Variants in DNMBP observed in about 807,000 individuals in gnomAD.
DNMBP encodes the protein dynamin-binding protein.
DNMBP carries 87 observed loss-of-function variants against 150.0 expected under a neutral mutation model. The observed-to-expected ratio is 0.58, with a 90% CI of 0.49 to 0.69. The LOEUF is 0.69. Ranked by LOEUF, DNMBP falls within the 30% of genes least tolerant of loss-of-function variation. The probability of loss-of-function intolerance (pLI) is 0.00; values close to 1 mark genes in which losing one functional copy is unlikely to be tolerated. For missense variants in DNMBP, 1,774 were observed against 1,949.0 expected (o/e 0.91, Z 1.69); for synonymous variants, 711 against 750.4 (o/e 0.95, Z 0.86).
intron 6 of DNMBP, among the ~76,000 whole-genome samples, chr10:99,905,634 CCATGATCACACCA>C (rs2039816523): frequency 6.6e-6 from 1 of 152,078 alleles, no homozygotes; most frequent in Non-Finnish European, 1.5e-5. Flanking sequence ...CTGAGGTGAG[CCATGATCACACCA>C]CTGCATTCTA....
Position 99,886,337 on chromosome 10 carries a change from A to G in DNMBP, c.3581T>C (p.Val1194Ala), listed in dbSNP as rs765112424. 23 of 1,614,084 alleles carry G rather than the reference A, an allele frequency of 1.4e-5. No homozygotes were observed. Among genetic ancestry groups the G allele is most frequent in the Non-Finnish European group, 1.7e-5 (20 of 1,179,908 alleles). ...CTTTAATTGCTCCAGAGCCTGGTGC[A>G]CAAAGTCACAGTGGGCTTCAGCATA... ...HGYAEAHCDFVHQALEQLKPL... is the reference protein window; with the variant it reads ...HGYAEAHCDFAHQALEQLKPL... The change falls in exon 13 of 17, where the codon GTG (valine) becomes GCG (alanine). Residue 1194 changes from valine to alanine, a missense_variant. Coordinates refer to ENST00000324109, the MANE Select transcript of DNMBP (RefSeq NM_015221.4).
At chr10:100,007,314 C>T (rs1437485701) in intron 1 of DNMBP, among the ~76,000 whole-genome samples, 2 of 152,188 alleles carry the variant, frequency 1.3e-5, no homozygotes, top group African/African-American at 4.8e-5. Context: ...GTCTGTTCCA[C>T]GAGGGCTTAG....
intron 11 of DNMBP, 73 bp from the exon 12 acceptor site, chr10:99,889,026 G>A: frequency 6.6e-7 from 1 of 1,525,940 alleles, no homozygotes; most frequent in Non-Finnish European, 8.8e-7. Context: ...TTCCAAGACT[G>A]AATAGCAGTC....
At chr10:99,906,721 A>T (rs1564727076) in intron 6 of DNMBP, among the ~76,000 whole-genome samples, 1 of 152,116 alleles carries the variant, frequency 6.6e-6, no homozygotes, top group African/African-American at 2.4e-5. Context: ...TTGGAAGTAG[A>T]TCCCTGAGCC....
intron 4 of DNMBP, among the ~76,000 whole-genome samples, chr10:99,923,411 A>T (rs746199474): frequency 4.6e-5 from 7 of 151,586 alleles, no homozygotes; most frequent in Non-Finnish European, 7.4e-5. Flanking sequence ...TAAAATTCTG[A>T]TTTCCTCCTG....
In DNMBP at chr10:99,922,681, C is replaced by T. The variant is rs565535103; in HGVS notation, c.2261-13535G>A. On this transcript the variant is annotated intron_variant, in intron 4 of 16. Transcript: ENST00000324109. ...CACAGGCACGCACCACCATACCCTG[C>T]TAATTTTGTTTGTCTAGCTTCTTGA... Among the ~76,000 whole-genome samples the T allele has an allele frequency of 4.9e-4, 75 of 152,118 alleles. No homozygotes were observed. The South Asian group carries it at 0.016, about 32-fold the overall frequency.
Position 99,898,067 on chromosome 10 carries a change from G to GTAAGAA in DNMBP, c.2920+18_2920+19insTTCTTA, listed in dbSNP as rs1214430758. 1 of 1,604,320 alleles carries GTAAGAA rather than the reference G, an allele frequency of 6.2e-7. No individual in the cohort carries two copies. Among genetic ancestry groups the GTAAGAA allele is most frequent in the South Asian group, 1.1e-5 (1 of 90,874 alleles). On this transcript the variant is annotated intron_variant, in intron 9 of 16. Transcript: ENST00000324109. ...TCTCAAAGGGCATACCTCCTTTTCA[G>GTAAGAA]CAATTATGCTGTTCTTACCCAGGTC... is the stretch of plus-strand genomic sequence containing the variant.
chr10:99,930,195 T>G, intron 4 of DNMBP: 1 of 703,018 alleles, frequency 1.4e-6, no homozygotes. Context: ...TGCCCAACAA[T>G]CCTCAAGATT....
chr10:99,933,924 G>A (rs1229879855), intron 4 of DNMBP, among the ~76,000 whole-genome samples: 2 of 152,122 alleles, frequency 1.3e-5, no homozygotes, highest in Non-Finnish European at 2.9e-5. Context: ...TTTTAGTAGA[G>A]ACAGGGTTTC....
rs1319684174 is a variant in DNMBP at position 99,900,023 on chromosome 10, G to C, written c.2598C>G (p.Tyr866Ter). Reference protein sequence around the residue: ...LGHRDELEGTYKIYCQNHDEA... With the variant: ...LGHRDELEGT ...CATCATGATTCTGGCAGTAAATCTTGTATGTTCCCTCAAGCTCATCCCGGT... is the reference window on the plus strand; with the variant it reads ...CATCATGATTCTGGCAGTAAATCTTCTATGTTCCCTCAAGCTCATCCCGGT... Residue 866 changes from tyrosine (Y) to a stop codon, truncating the protein, a stop_gained, in exon 7 of 17, where the codon TAC becomes TAG. Coordinates refer to ENST00000324109, the MANE Select transcript of DNMBP (RefSeq NM_015221.4). LOFTEE classifies it high-confidence loss of function. 4 of 1,613,998 alleles carry C rather than the reference G, an allele frequency of 2.5e-6. No homozygotes were observed. Among genetic ancestry groups the C allele is most frequent in the Non-Finnish European group, 3.4e-6 (4 of 1,180,014 alleles).
intron 3 of DNMBP, among the ~76,000 whole-genome samples, chr10:99,958,687 A>AT (rs2040526726): frequency 6.6e-6 from 1 of 152,188 alleles, no homozygotes; most frequent in African/African-American, 2.4e-5. Context: ...AACAAATATG[A>AT]TTTTTTCACA....
chr10:100,003,393 T>C (rs1470983555), intron 1 of DNMBP, among the ~76,000 whole-genome samples: 9 of 151,774 alleles, frequency 5.9e-5, no homozygotes, highest in Admixed American at 5.3e-4. Flanking sequence ...GAAGCATGTA[T>C]TTAGAGATTA....
At position 99,904,374 on chromosome 10, in the gene DNMBP, G is replaced by A. The variant is rs56153377; in HGVS notation, c.2554+3621C>T. Among the ~76,000 whole-genome samples, 184 of 152,234 alleles carry A rather than the reference G, an allele frequency of 1.2e-3. 1 individual carries two copies. Among genetic ancestry groups the A allele is most frequent in the African/African-American group, 4.3e-3 (179 of 41,554 alleles). ...GGATGTGTTTAAAATCAGGTAAAGC[G>A]AGTACTTTCCACCTATGACCATGTA... On this transcript the variant is annotated intron_variant, in intron 6 of 16. Transcript: ENST00000324109.
At position 99,877,979 on chromosome 10, in the gene DNMBP, CATG is replaced by C. The variant is rs550895148; in HGVS notation, c.4549-646_4549-644del. Among the ~76,000 whole-genome samples, 64 of 152,222 alleles carry C rather than the reference CATG, an allele frequency of 4.2e-4. 2 individuals are homozygous for C. Among genetic ancestry groups the C allele is most frequent in the African/African-American group, 1.5e-3 (64 of 41,538 alleles). ...TTCTACCAAAAACACGAAAAATAAG[CATG>C]ATGGTGAACACCTGTGATCCCAGCT... On this transcript the variant is annotated intron_variant, in intron 16 of 16. Transcript: ENST00000324109.
intron 1 of DNMBP, among the ~76,000 whole-genome samples, chr10:99,999,989 A>G (rs2040992317): frequency 6.6e-6 from 1 of 152,244 alleles, no homozygotes; most frequent in African/African-American, 2.4e-5. Context: ...GGTGTGTGAC[A>G]CTGGCCTCAA....
rs757369348 is a variant in DNMBP, at chr10:99,880,034, G to C, written c.4325C>G (p.Ser1442Cys). ...SRCPSDPDST[S>C]QPRSGDSADV... is the part of the protein sequence containing the mutation. ...TGCAGAGTCCCCTGACCTTGGCTGG[G>C]AGGTGGAGTCTGGGTCTGAAGGGCA... The change falls in exon 16 of 17, where the codon TCC (serine) becomes TGC (cysteine). Residue 1442 changes from serine to cysteine, a missense_variant. Physicochemically the swap from Ser to Cys is moderately radical, Grantham distance 112. Transcript: ENST00000324109. The C allele has an allele frequency of 6.2e-7, 1 of 1,614,204 alleles. No homozygotes were observed. Among genetic ancestry groups the C allele is most frequent in the Non-Finnish European group, 8.5e-7 (1 of 1,180,040 alleles).
rs1167928097 is a variant in DNMBP, at chr10:99,879,889, G to C, written c.4470C>G (p.Val1490=). Residue 1490 remains valine, a synonymous_variant, in exon 16 of 17, where the codon GTC becomes GTG. Coordinates refer to ENST00000324109, the MANE Select transcript of DNMBP (RefSeq NM_015221.4). ...PGRNGQSQDL[V]KGCARTAQAP... is the part of the protein sequence containing the mutation. The stretch of plus-strand genomic sequence containing the variant: ...CCTGGGCTGTTCTTGCACATCCTTT[G>C]ACGAGGTCTTGACTTTGCCCATTTC... The C allele has an allele frequency of 6.2e-7, 1 of 1,614,238 alleles. No individual in the cohort carries two copies. Among genetic ancestry groups the C allele is most frequent in the Non-Finnish European group, 8.5e-7 (1 of 1,180,054 alleles).
chr10:99,912,538 C>G (rs556953478), intron 4 of DNMBP, among the ~76,000 whole-genome samples: 1 of 152,152 alleles, frequency 6.6e-6, no homozygotes, highest in African/African-American at 2.4e-5. Context: ...CTTTAAAAAC[C>G]CAAACACTTT....
At chr10:99,915,108 A>AAATATATATATATATATATATAT (rs10654940) in intron 4 of DNMBP, among the ~76,000 whole-genome samples, 1 of 99,802 alleles carries the variant, frequency 1.0e-5, no homozygotes, top group African/African-American at 4.4e-5. Flanking sequence ...AAAAAAAAAA[A>AAATATATATATATATATATATAT]ATATATATAT....
Sources: gnomAD v4.1 joint callset for allele counts (sites outside exome capture counted in the v4.1 genomes callset) on GRCh38, gnomAD v4.1.1 for gene constraint, MANE v1.5 for transcripts, NCBI Gene and HGNC (gene_info 2026-07-23, HGNC 2026-07-21) for gene names.